The following TALDO1 variants were observed in gnomAD, a reference collection of about 807,000 sequenced individuals.
TALDO1 encodes the protein transaldolase.
A neutral mutation model predicts 38.1 loss-of-function variants in TALDO1; 29 were observed. The ratio of observed to expected loss-of-function variants is 0.76; its 90% CI spans 0.57 to 1.04. TALDO1 has a LOEUF of 1.04. Ranked by LOEUF, TALDO1 falls within the 50% of genes least tolerant of loss-of-function variation. The pLI is 0.00. For synonymous variants in TALDO1, 207 were observed against 176.8 expected, an observed-to-expected ratio of 1.17 and a Z score of -1.36; for missense variants, 499 against 438.1, an observed-to-expected ratio of 1.14 and a Z score of -1.24.
chr11:763,234 C>CGCCCCGCCCTCACCT (rs1862976078), intron 4 of TALDO1, 110 bp from the exon 5 acceptor site: 1 of 119,600 alleles, frequency 8.4e-6, no homozygotes, highest in Non-Finnish European at 1.7e-5. Flanking sequence ...CGCCCTCACC[C>CGCCCCGCCCTCACCT]GCCCCCGCCC....
chr11:764,882 G>T lies in TALDO1; in HGVS notation c.*37G>T. The T allele has an allele frequency of 6.2e-7, 1 of 1,613,708 alleles. No homozygotes were observed. Among genetic ancestry groups the T allele is most frequent in the Non-Finnish European group, 8.5e-7 (1 of 1,179,994 alleles). On this transcript the variant is annotated 3_prime_UTR_variant, in exon 8 of 8. Coordinates refer to ENST00000319006, the MANE Select transcript of TALDO1 (RefSeq NM_006755.2). ...GGCTGGACTCCAGATCTGCACCGCC[G>T]GCCAGCTGGGATCTGACTGCACGTG...
chr11:764,049 T>C (rs1863007033), intron 6 of TALDO1, 105 bp downstream of exon 6: 5 of 1,440,796 alleles, frequency 3.5e-6, no homozygotes, highest in South Asian at 1.2e-5. Context: ...CGAGCTCATC[T>C]TGGGAGACAT....
intron 1 of TALDO1, 26 bp downstream of exon 1, chr11:747,604 C>A: frequency 6.5e-7 from 1 of 1,542,100 alleles, no homozygotes; most frequent in Non-Finnish European, 8.7e-7. Flanking sequence ...AGCCCGGGCG[C>A]GGCGCAAGCG....
intron 1 of TALDO1, 148 bp downstream of exon 1, chr11:747,726 A>G: frequency 1.4e-6 from 1 of 700,538 alleles, no homozygotes; most frequent in Non-Finnish European, 2.3e-6. Flanking sequence ...CAGGTGCCGG[A>G]TGTTGGGGCC....
At chr11:753,584 C>T (rs547675020) in intron 1 of TALDO1, among the ~76,000 whole-genome samples, 11 of 151,370 alleles carry the variant, frequency 7.3e-5, no homozygotes, top group Non-Finnish European at 1.6e-4. Context: ...CATAGCCTGG[C>T]GTGGTGGCTC....
chr11:758,447 A>T lies in TALDO1; in HGVS notation c.222-503A>T, dbSNP rs968259257. Among the ~76,000 whole-genome samples, 5 of 151,234 alleles carry T rather than the reference A, an allele frequency of 3.3e-5. No homozygotes were observed. In the South Asian group the frequency reaches 8.4e-4, roughly 25 times the overall value. On this transcript the variant is annotated intron_variant, in intron 2 of 7. Coordinates refer to ENST00000319006, the MANE Select transcript of TALDO1 (RefSeq NM_006755.2). ...TTAGCTGGAGACCCTGTCTTGGGGG[A>T]AAAAAAAAAGGATAAGATGGGAAAT...
intron 6 of TALDO1, 163 bp from the exon 7 acceptor site, chr11:764,125 A>G (rs1400518019): frequency 2.8e-5 from 39 of 1,417,536 alleles, no homozygotes; most frequent in Non-Finnish European, 3.5e-5. Context: ...GTCATCAGCC[A>G]AGGCTCTGTG....
At position 760,290 on chromosome 11, in the gene TALDO1, T is replaced by G. The variant is rs183289020; in HGVS notation, c.461+37T>G. Reference sequence around the variant, plus strand: ...CCCACAAGGAAGGAGCTCTCAGAGATTTTTCCTCTGTTGGAGCAGGGTCTA... The same window carrying G: ...CCCACAAGGAAGGAGCTCTCAGAGAGTTTTCCTCTGTTGGAGCAGGGTCTA... On this transcript the variant is annotated intron_variant, in intron 4 of 7. Coordinates refer to ENST00000319006, the MANE Select transcript of TALDO1 (RefSeq NM_006755.2). The G allele has an allele frequency of 3.5e-4, 569 of 1,611,416 alleles. 3 individuals carry two copies. The East Asian group carries it at 9.5e-3, about 27-fold the overall frequency.
chr11:763,752 AAG>A lies in TALDO1; in HGVS notation c.646_647del (p.Ser216CysfsTer3), dbSNP rs1182889391. The A allele has an allele frequency of 6.2e-7, 1 of 1,613,988 alleles. No homozygotes were observed. The highest frequency in any genetic ancestry group is 1.7e-5 in the Admixed American group (1 of 60,022). On this transcript the variant is annotated frameshift_variant, in exon 6 of 8. Coordinates refer to ENST00000319006, the MANE Select transcript of TALDO1 (RefSeq NM_006755.2). LOFTEE classifies it high-confidence loss of function. ...ACAGCTTGGTCTCTTTCCAGGGGTA[AAG>A]AGTGTCACTAAAATCTACAACTACT... ...SYEPLEDPGV[K>X]SVTKIYNYYK...
rs751150990 is a variant in TALDO1 at position 762,114 on chromosome 11, C to T, written c.462-1230C>T. Among the ~76,000 whole-genome samples the T allele has an allele frequency of 5.3e-5, 8 of 152,094 alleles. No homozygotes were observed. In the East Asian group the frequency reaches 5.8e-4, roughly 11 times the overall value. ...CGGAGTAGCTGGGATTACAGGCAGGCGCCACCACTCCCGCCTAATTTTATA... is the reference window on the plus strand; with the variant it reads ...CGGAGTAGCTGGGATTACAGGCAGGTGCCACCACTCCCGCCTAATTTTATA... On this transcript the variant is annotated intron_variant, in intron 4 of 7. Coordinates refer to ENST00000319006, the MANE Select transcript of TALDO1 (RefSeq NM_006755.2).
intron 5 of TALDO1, 78 bp downstream of exon 5, chr11:763,597 C>G: frequency 1.3e-6 from 2 of 1,594,616 alleles, no homozygotes; most frequent in Non-Finnish European, 1.7e-6. Flanking sequence ...CGAGACGGAG[C>G]TGCCGCATCA....
At position 747,489 on chromosome 11, in the gene TALDO1, G is replaced by A; in HGVS notation, c.8G>A (p.Ser3Asn). 6.3e-7 allele frequency: 1 copy of A among 1,597,214 alleles called. No homozygotes were observed. The highest frequency in any genetic ancestry group is 2.3e-5 in the East Asian group (1 of 43,274). The change falls in exon 1 of 8, where the codon AGC becomes AAC. Residue 3 changes from serine (S) to asparagine (N), a missense_variant. By Grantham distance (46) the Ser-to-Asn change is conservative. Transcript: ENST00000319006. Reference protein sequence around the residue: MSSSPVKRQRMES... With the variant: MSNSPVKRQRMES... Reference sequence around the variant, plus strand: ...AGACCCCTCGGTCTTGCTATGTCGAGCTCACCCGTGAAGCGTCAGAGGATG... The same window carrying A: ...AGACCCCTCGGTCTTGCTATGTCGAACTCACCCGTGAAGCGTCAGAGGATG...
chr11:750,746 A>G (rs1015978082), intron 1 of TALDO1, among the ~76,000 whole-genome samples: 1 of 150,804 alleles, frequency 6.6e-6, no homozygotes, highest in Non-Finnish European at 1.5e-5. Flanking sequence ...AATGGTGCGA[A>G]CCTGGGAGGC....
At chr11:751,625 C>A (rs1862752830) in intron 1 of TALDO1, among the ~76,000 whole-genome samples, 1 of 150,676 alleles carries the variant, frequency 6.6e-6, no homozygotes, top group Non-Finnish European at 1.5e-5. Context: ...GAAACCCCAT[C>A]TCTACTAAAA....
chr11:760,119 C>G lies in TALDO1; in HGVS notation c.330-3C>G, dbSNP rs574445037. 6.2e-7 allele frequency: 1 copy of G among 1,613,836 alleles called. No individual in the cohort carries two copies. Among genetic ancestry groups the G allele is most frequent in the Admixed American group, 1.7e-5 (1 of 60,018 alleles). ...AGGGGATGGGTTCTTCTTGCTCCTACAGGCTCTCCTTTGATAAAGATGCGA... is the reference window on the plus strand; with the variant it reads ...AGGGGATGGGTTCTTCTTGCTCCTAGAGGCTCTCCTTTGATAAAGATGCGA... On this transcript the variant is annotated splice_region_variant and splice_polypyrimidine_tract_variant and intron_variant, in intron 3 of 7. Transcript: ENST00000319006.
At chr11:755,857 C>T (rs1283182462) in intron 1 of TALDO1, 22 bp from the exon 2 acceptor site, 4 of 1,614,152 alleles carry the variant, frequency 2.5e-6, no homozygotes, top group Non-Finnish European at 2.5e-6. Flanking sequence ...CTTACTTTGG[C>T]TTTTGAAAAC....
chr11:760,149 GGCCAGAGCCAGGC>G lies in TALDO1; in HGVS notation c.359_371del (p.Ala120GlyfsTer18). 6.2e-7 allele frequency: 1 copy of G among 1,614,098 alleles called. No homozygotes were observed. Among genetic ancestry groups the G allele is most frequent in the Non-Finnish European group, 8.5e-7 (1 of 1,180,012 alleles). On this transcript the variant is annotated frameshift_variant, in exon 4 of 8. Coordinates refer to ENST00000319006, the MANE Select transcript of TALDO1 (RefSeq NM_006755.2). LOFTEE classifies it high-confidence loss of function. ...TCTCCTTTGATAAAGATGCGATGGT[GGCCAGAGCCAGGC>G]GGCTCATCGAGCTCTACAAGGAAGC...
chr11:755,844 C>T, intron 1 of TALDO1, 35 bp from the exon 2 acceptor site: 1 of 1,614,034 alleles, frequency 6.2e-7, no homozygotes, highest in Non-Finnish European at 8.5e-7. Context: ...AGCAAGTACT[C>T]CACTTACTTT....
Position 764,127 on chromosome 11 carries a change from G to A in TALDO1, c.836-161G>A, listed in dbSNP as rs982612713. 4 of 1,417,732 alleles carry A rather than the reference G, an allele frequency of 2.8e-6. No individual in the cohort carries two copies. In the South Asian group the frequency reaches 4.7e-5, roughly 17 times the overall value. 87.8% of individuals were successfully genotyped at this position (1,417,732 alleles called of 1,614,324 possible). A position where few individuals can be genotyped will look rare whatever the true frequency, so the allele number is the denominator to read the frequency against. ...ACATCTCACTCAAGTCATCAGCCAA[G>A]GCTCTGTGGGCTGAACCCCACTTCC... On this transcript the variant is annotated intron_variant, in intron 6 of 7. Coordinates refer to ENST00000319006, the MANE Select transcript of TALDO1 (RefSeq NM_006755.2).
Sources: gnomAD v4.1 joint callset for allele counts (sites outside exome capture counted in the v4.1 genomes callset) on GRCh38, gnomAD v4.1.1 for gene constraint, MANE v1.5 for transcripts, NCBI Gene and HGNC (gene_info 2026-07-23, HGNC 2026-07-21) for gene names.